The following AKT3 variants were observed in gnomAD, a reference collection of about 807,000 sequenced individuals.
The protein encoded by AKT3 is RAC-gamma serine/threonine-protein kinase.
Under a neutral mutation model 65.3 loss-of-function variants are expected in AKT3, and 15 were observed. The ratio of observed to expected loss-of-function variants is 0.23; its 90% confidence interval spans 0.15 to 0.35. The LOEUF is 0.35. Among genes scored for constraint, AKT3 ranks in the 10% least tolerant of loss-of-function variants. The probability of loss-of-function intolerance (pLI) is 1.00; values close to 1 mark genes in which losing one functional copy is unlikely to be tolerated. For missense variants in AKT3, 243 were observed against 576.5 expected (o/e 0.42, Z 5.92); for synonymous variants, 206 against 183.8 (o/e 1.12, Z -0.98).
chr1:243,797,120 T>C (rs1692071006), intron 2 of AKT3, among the ~76,000 whole-genome samples: 1 of 152,124 alleles, frequency 6.6e-6, no homozygotes, highest in Middle Eastern at 3.4e-3. Context: ...ATGGTTAAAA[T>C]GGTAAATTTT....
At chr1:243,641,027 G>A (rs1680344364) in intron 5 of AKT3, among the ~76,000 whole-genome samples, 1 of 151,992 alleles carries the variant, frequency 6.6e-6, no homozygotes, top group African/African-American at 2.4e-5. Context: ...TGCCAGTGTG[G>A]CTAGAATATA....
At chr1:243,513,570 C>T (rs1208951804) in intron 12 of AKT3, among the ~76,000 whole-genome samples, 1 of 152,082 alleles carries the variant, frequency 6.6e-6, no homozygotes, top group Non-Finnish European at 1.5e-5. Context: ...TTTTAAGAAT[C>T]GTGGGATGAG....
intron 2 of AKT3, among the ~76,000 whole-genome samples, chr1:243,720,671 G>C (rs999052854): frequency 1.3e-5 from 2 of 152,106 alleles, no homozygotes; most frequent in Middle Eastern, 3.4e-3. Flanking sequence ...TTCGAATAAA[G>C]AGATCTCCTC....
intron 11 of AKT3, among the ~76,000 whole-genome samples, chr1:243,550,295 A>G (rs565202682): frequency 1.3e-5 from 2 of 152,304 alleles, no homozygotes; most frequent in African/African-American, 4.8e-5. Flanking sequence ...AAATTATTAG[A>G]TCATTGAAAA....
intron 12 of AKT3, among the ~76,000 whole-genome samples, chr1:243,514,247 C>T (rs1670202624): frequency 6.6e-6 from 1 of 152,088 alleles, no homozygotes; most frequent in African/African-American, 2.4e-5. Context: ...TCATCTGGTT[C>T]TTTGTGATGT....
chr1:243,509,162 A>G (rs936074509), intron 13 of AKT3, among the ~76,000 whole-genome samples: 1 of 152,220 alleles, frequency 6.6e-6, no homozygotes, highest in Non-Finnish European at 1.5e-5. Flanking sequence ...GTTATTTAAG[A>G]ACAGAGGTGC....
chr1:243,795,297 G>A (rs1211330791), intron 2 of AKT3, among the ~76,000 whole-genome samples: 1 of 151,948 alleles, frequency 6.6e-6, no homozygotes, highest in Non-Finnish European at 1.5e-5. Context: ...GGTACTCTCA[G>A]CAGAAAGCCT....
chr1:243,547,023 A>C (rs1672720610), intron 11 of AKT3: 1 of 152,200 alleles, frequency 6.6e-6, no homozygotes, highest in South Asian at 2.1e-4. Flanking sequence ...AAGAAGATTC[A>C]TTTTTTGGTG....
chr1:243,718,910 A>C (rs551360403), intron 2 of AKT3, among the ~76,000 whole-genome samples: 1 of 152,316 alleles, frequency 6.6e-6, no homozygotes, highest in Admixed American at 6.5e-5. Flanking sequence ...GAAGTCCAAC[A>C]AACTGGATTT....
At chr1:243,708,043 T>C (rs1258874796) in intron 2 of AKT3, among the ~76,000 whole-genome samples, 2 of 152,062 alleles carry the variant, frequency 1.3e-5, no homozygotes, top group Non-Finnish European at 2.9e-5. Flanking sequence ...AATACTAGAA[T>C]ATCTGCTATC....
At chr1:243,746,394 T>C (rs1553445064) in intron 2 of AKT3, among the ~76,000 whole-genome samples, 1 of 152,206 alleles carries the variant, frequency 6.6e-6, no homozygotes, top group Non-Finnish European at 1.5e-5. Flanking sequence ...AAATGTTTTT[T>C]CCCCTAAATA....
chr1:243,575,584 T>G (rs1674881471), intron 8 of AKT3, among the ~76,000 whole-genome samples: 1 of 152,136 alleles, frequency 6.6e-6, no homozygotes, highest in Non-Finnish European at 1.5e-5. Flanking sequence ...GTATTGATTT[T>G]TAAAAAAAGA....
intron 2 of AKT3, chr1:243,741,842 A>C (rs566315830): frequency 7.9e-5 from 12 of 152,314 alleles, no homozygotes; most frequent in African/African-American, 2.2e-4. Context: ...TTTCCAAAAA[A>C]TTACTTTTGT....
At chr1:243,791,322 T>C (rs1691617529) in intron 2 of AKT3, among the ~76,000 whole-genome samples, 2 of 152,092 alleles carry the variant, frequency 1.3e-5, no homozygotes, top group Admixed American at 6.5e-5. Flanking sequence ...TGACACACAG[T>C]TGATAGAACC....
chr1:243,604,930 A>G (rs1049608574), intron 8 of AKT3, among the ~76,000 whole-genome samples: 18 of 152,246 alleles, frequency 1.2e-4, no homozygotes, highest in African/African-American at 4.3e-4. Flanking sequence ...AACATTCCTT[A>G]GAACGGTATT....
chr1:243,560,197 T>C (rs1295599908), intron 10 of AKT3, among the ~76,000 whole-genome samples: 1 of 152,124 alleles, frequency 6.6e-6, no homozygotes, highest in Non-Finnish European at 1.5e-5. Flanking sequence ...AAAGCAGTTA[T>C]TTTCTTGCAC....
intron 9 of AKT3, among the ~76,000 whole-genome samples, chr1:243,566,734 T>C (rs1674189462): frequency 6.6e-6 from 1 of 152,220 alleles, no homozygotes. Flanking sequence ...CAATCCAATG[T>C]GACAGTTTTG....
At chr1:243,755,213 C>A (rs1049386024) in intron 2 of AKT3, among the ~76,000 whole-genome samples, 1 of 150,042 alleles carries the variant, frequency 6.7e-6, no homozygotes, top group Non-Finnish European at 1.5e-5. Flanking sequence ...GGATTACAGG[C>A]GGGCGACACC....
At position 243,757,917 on chromosome 1, in the gene AKT3, C is replaced by T. The variant is rs539224121; in HGVS notation, c.47-62201G>A. ...CTGGGACTACAGGTACACGCCACCACATCCAGCTAATTTTTTTGTATTTTC... is the reference window on the plus strand; with the variant it reads ...CTGGGACTACAGGTACACGCCACCATATCCAGCTAATTTTTTTGTATTTTC... On this transcript the variant is annotated intron_variant, in intron 2 of 13. Transcript: ENST00000673466. Among the ~76,000 whole-genome samples, 158 of 152,222 alleles carry T rather than the reference C, an allele frequency of 1.0e-3. 1 individual carries two copies. Among genetic ancestry groups the T allele is most frequent in the African/African-American group, 3.7e-3 (154 of 41,540 alleles).
Sources: allele counts gnomAD v4.1 joint callset (sites outside exome capture counted in the v4.1 genomes callset), GRCh38; gene constraint gnomAD v4.1.1; transcripts MANE v1.5; gene names NCBI Gene and HGNC (gene_info 2026-07-23, HGNC 2026-07-21).